Variants in FRK observed in about 807,000 individuals in gnomAD.
FRK encodes fyn related Src family tyrosine kinase.
Under a neutral mutation model 56.4 loss-of-function variants are expected in FRK, and 51 were observed. The observed-to-expected ratio is 0.90, with a 90% CI of 0.72 to 1.14. FRK has a LOEUF of 1.14. FRK is among the 50% of genes most tolerant of loss of function. FRK has a pLI of 0.00. For missense variants in FRK, 570 were observed against 601.4 expected, an observed-to-expected ratio of 0.95 and a Z score of 0.55; for synonymous variants, 245 against 217.9, an observed-to-expected ratio of 1.12 and a Z score of -1.10.
intron 1 of FRK, among the ~76,000 whole-genome samples, chr6:116,056,234 A>G (rs188879216): frequency 1.2e-4 from 16 of 136,542 alleles, no homozygotes; most frequent in African/African-American, 3.9e-4. Flanking sequence ...TGGGGATTCG[A>G]GATAGGGTCT....
the FRK span, among the ~76,000 whole-genome samples, chr6:116,092,325 C>T: frequency 3.3e-5 from 5 of 152,180 alleles, no homozygotes; most frequent in African/African-American, 4.8e-5. Context: ...GGACAAAAGG[C>T]GTCACTCTTC....
intron 4 of FRK, among the ~76,000 whole-genome samples, chr6:115,960,502 A>G (rs1164574852): frequency 1.3e-5 from 2 of 149,542 alleles, no homozygotes; most frequent in African/African-American, 4.9e-5. Context: ...TTGCTTAGGT[A>G]AACAAAGCAG....
intron 1 of FRK, chr6:116,039,174 GT>G: frequency 8.3e-7 from 1 of 1,200,770 alleles, no homozygotes; most frequent in Non-Finnish European, 1.2e-6. Flanking sequence ...TCACTGAGAA[GT>G]TTGTTTTCGA....
In FRK at chr6:115,942,166, T is replaced by C; in HGVS notation, c.*248A>G. 1 of 356,508 alleles carries C rather than the reference T, an allele frequency of 2.8e-6. No individual in the cohort carries two copies. Among genetic ancestry groups the C allele is most frequent in the Admixed American group, 4.4e-5 (1 of 22,796 alleles). 22.1% of individuals were successfully genotyped at this position (356,508 alleles called of 1,614,324 possible). On this transcript the variant is annotated 3_prime_UTR_variant, in exon 8 of 8. Transcript: ENST00000606080. The stretch of plus-strand genomic sequence containing the variant: ...TGTAAGTATCTCTTAAAAAGAAAAA[T>C]AACTTGGTTTAGTGTGCTTAATTTT...
chr6:116,059,810 G>C (rs76043006), intron 1 of FRK, among the ~76,000 whole-genome samples, 158 bp downstream of exon 1: 1 of 152,150 alleles, frequency 6.6e-6, no homozygotes, highest in Admixed American at 6.5e-5. Flanking sequence ...CTCACTTAGC[G>C]GGGGAGGTGT....
intron 1 of FRK, among the ~76,000 whole-genome samples, chr6:116,021,976 A>G (rs564294909): frequency 6.6e-6 from 1 of 152,002 alleles, no homozygotes; most frequent in Non-Finnish European, 1.5e-5. Flanking sequence ...TATCAATATC[A>G]GCAATTAAAG....
intron 5 of FRK, among the ~76,000 whole-genome samples, chr6:115,949,977 A>G (rs1172711249): frequency 1.3e-5 from 2 of 152,234 alleles, no homozygotes; most frequent in Non-Finnish European, 2.9e-5. Context: ...CTGGCTAGCC[A>G]TATGCAGAAA....
intron 2 of FRK, among the ~76,000 whole-genome samples, chr6:115,988,831 C>G (rs11755773): frequency 6.6e-6 from 1 of 151,860 alleles, no homozygotes; most frequent in African/African-American, 2.4e-5. Flanking sequence ...AATCAGGCAG[C>G]CTTAAGATTC....
chr6:116,022,954 C>A (rs1775933405), intron 1 of FRK, among the ~76,000 whole-genome samples: 1 of 152,088 alleles, frequency 6.6e-6, no homozygotes, highest in East Asian at 1.9e-4. Flanking sequence ...CAAAAACGAA[C>A]TCCAAGTATG....
chr6:116,090,330 GACAGTGATTAGAATAGGA>G, the FRK span, among the ~76,000 whole-genome samples: 18 of 152,194 alleles, frequency 1.2e-4, no homozygotes, highest in Non-Finnish European at 2.5e-4. Context: ...GATGATACGG[GACAGTGATTAGAATAGGA>G]ACAGTGGGTC....
intron 2 of FRK, among the ~76,000 whole-genome samples, chr6:115,985,100 A>G (rs1411629708): frequency 1.3e-5 from 2 of 152,138 alleles, no homozygotes; most frequent in Non-Finnish European, 2.9e-5. Context: ...TTACATGCAA[A>G]TCAATTAATT....
rs370495146 is a variant in FRK at position 115,943,075 on chromosome 6, C to T, written c.1251G>A (p.Trp417Ter). Reference protein sequence around the residue: ...SNKFSIKSDVWSFGILLYEII... With the variant: ...SNKFSIKSDV ...TTTCATAAAGAAGGATTCCAAATGA[C>T]CATACATCGGACTTAATGCTGAATT... Residue 417 changes from tryptophan (W) to a stop codon, truncating the protein, a stop_gained, in exon 7 of 8, where the codon TGG (tryptophan) becomes TGA (stop). Coordinates refer to ENST00000606080, the MANE Select transcript of FRK (RefSeq NM_002031.3). LOFTEE classifies it high-confidence loss of function. The T allele has an allele frequency of 6.2e-7, 1 of 1,613,372 alleles. No homozygotes were observed. The highest frequency in any genetic ancestry group is 8.5e-7 in the Non-Finnish European group (1 of 1,179,662).
chr6:115,969,175 A>G (rs906084945), intron 2 of FRK, among the ~76,000 whole-genome samples: 1 of 152,150 alleles, frequency 6.6e-6, no homozygotes, highest in Admixed American at 6.5e-5. Flanking sequence ...TTCTCCCATG[A>G]AATCCTATAA....
intron 1 of FRK, among the ~76,000 whole-genome samples, chr6:116,008,211 T>TGG (rs1304803464): frequency 6.6e-6 from 1 of 152,156 alleles, no homozygotes; most frequent in Non-Finnish European, 1.5e-5. Context: ...ATAAATCAAA[T>TGG]GGTTAAAGAT....
intron 2 of FRK, among the ~76,000 whole-genome samples, chr6:115,971,126 G>A (rs1345305257): frequency 2.0e-5 from 3 of 152,080 alleles, no homozygotes; most frequent in Non-Finnish European, 2.9e-5. Flanking sequence ...CTTTTAAAAT[G>A]TCAGTGTTTT....
intron 2 of FRK, among the ~76,000 whole-genome samples, chr6:115,982,786 T>C (rs1243667785): frequency 2.0e-5 from 3 of 152,060 alleles, no homozygotes; most frequent in Non-Finnish European, 4.4e-5. Context: ...ATAAAAGCTA[T>C]AGAGGCTTGG....
chr6:116,063,807 A>C (rs1267464205), upstream of FRK, among the ~76,000 whole-genome samples: 1 of 152,180 alleles, frequency 6.6e-6, no homozygotes, highest in East Asian at 1.9e-4. Context: ...CCAAATAAAA[A>C]ACAATGCCTA....
chr6:115,973,443 G>A (rs1057351637), intron 2 of FRK, among the ~76,000 whole-genome samples: 5 of 152,142 alleles, frequency 3.3e-5, no homozygotes, highest in Admixed American at 6.6e-5. Context: ...AGCATTAGGA[G>A]AAATACCGAA....
chr6:116,007,835 C>G (rs1489787169), intron 1 of FRK, among the ~76,000 whole-genome samples: 1 of 130,080 alleles, frequency 7.7e-6, no homozygotes, highest in African/African-American at 2.8e-5. Context: ...GACAGTAATG[C>G]ATATATGTTC....
Sources: allele counts gnomAD v4.1 joint callset (sites outside exome capture counted in the v4.1 genomes callset), GRCh38; gene constraint gnomAD v4.1.1; transcripts MANE v1.5; gene names NCBI Gene and HGNC (gene_info 2026-07-23, HGNC 2026-07-21).